Variants in TRPC7 observed in about 807,000 individuals in gnomAD.
The protein encoded by TRPC7 is short transient receptor potential channel 7.
In TRPC7, 42 loss-of-function variants were observed where a neutral mutation model predicts 90.1. The observed-to-expected ratio is 0.47, with a 90% CI of 0.36 to 0.60. The LOEUF (loss-of-function observed/expected upper bound fraction) is 0.60, where lower values mean the gene tolerates loss of function less well. Ranked by LOEUF, TRPC7 falls within the 20% of genes least tolerant of loss-of-function variation. The pLI is 0.00. For missense variants in TRPC7, 955 were observed against 1,112.3 expected (o/e 0.86, Z 2.01); for synonymous variants, 451 against 436.3 (o/e 1.03, Z -0.42).
chr5:136,246,412 G>A (rs1430530371), intron 7 of TRPC7, among the ~76,000 whole-genome samples: 2 of 152,178 alleles, frequency 1.3e-5, no homozygotes, highest in South Asian at 2.1e-4. Context: ...GTCCTATGGA[G>A]TGACTAATGA....
At chr5:136,314,344 A>G (rs1349722823) in intron 3 of TRPC7, 1 of 152,206 alleles carries the variant, frequency 6.6e-6, no homozygotes, top group East Asian at 1.9e-4. Flanking sequence ...CTTTGGTGAA[A>G]AGCCCCAGCG....
At position 136,356,830 on chromosome 5, in the gene TRPC7, C is replaced by T; in HGVS notation, c.558G>A (p.Lys186=). Residue 186 remains lysine, a synonymous_variant, in exon 2 of 12, where the codon AAG becomes AAA. Coordinates refer to ENST00000513104, the MANE Select transcript of TRPC7 (RefSeq NM_020389.3). Reference sequence around the variant, plus strand: ...CGTGGGGCCGCTCGATGCGGGCGCCCTTGAGCAGCAGGATGTGCACGATCT... The same window carrying T: ...CGTGGGGCCGCTCGATGCGGGCGCCTTTGAGCAGCAGGATGTGCACGATCT... ...EYEIVHILLL[K]GARIERPHDY... is the part of the protein sequence containing the mutation. 1 of 1,613,822 alleles carries T rather than the reference C, an allele frequency of 6.2e-7. No homozygotes were observed. The highest frequency in any genetic ancestry group is 8.5e-7 in the Non-Finnish European group (1 of 1,179,868).
At chr5:136,252,587 A>G (rs1756557912) in intron 5 of TRPC7, among the ~76,000 whole-genome samples, 3 of 120,448 alleles carry the variant, frequency 2.5e-5, no homozygotes, top group South Asian at 5.7e-4. Context: ...ACCAGGGACC[A>G]GTTTCATGGA....
At chr5:136,279,089 T>G (rs1757461882) in intron 3 of TRPC7, among the ~76,000 whole-genome samples, 1 of 152,110 alleles carries the variant, frequency 6.6e-6, no homozygotes, top group Non-Finnish European at 1.5e-5. Flanking sequence ...ATATCAACTC[T>G]TACGTTAGGT....
Position 136,212,873 on chromosome 5 carries a change from A to G in TRPC7, c.*562T>C, listed in dbSNP as rs140070705. On this transcript the variant is annotated 3_prime_UTR_variant, in exon 12 of 12. Coordinates refer to ENST00000513104, the MANE Select transcript of TRPC7 (RefSeq NM_020389.3). ...TTCTAAACAGTGCTACCTACAGTAC[A>G]GTTTTCAATTTAGGATTTTTAAACT... Among the ~76,000 whole-genome samples, 7 of 152,364 alleles carry G rather than the reference A, an allele frequency of 4.6e-5. No individual in the cohort carries two copies. In the East Asian group the frequency reaches 1.2e-3, roughly 25 times the overall value.
chr5:136,258,056 T>C (rs1004729457), intron 5 of TRPC7, among the ~76,000 whole-genome samples: 2 of 152,182 alleles, frequency 1.3e-5, no homozygotes, highest in African/African-American at 4.8e-5. Flanking sequence ...ATTTGGAGTT[T>C]GGAGGTAACT....
At position 136,357,322 on chromosome 5, in the gene TRPC7, A is replaced by G. The variant is rs1031260113; in HGVS notation, c.66T>C (p.Arg22=). 2 of 1,607,498 alleles carry G rather than the reference A, an allele frequency of 1.2e-6. No individual in the cohort carries two copies. Among genetic ancestry groups the G allele is most frequent in the African/African-American group, 1.3e-5 (1 of 74,904 alleles). ...AGGCGGGACCCCGGATGGCCTGGCGACGGCCCTTCTCCCTCAGCGTTGTGT... is the reference window on the plus strand; with the variant it reads ...AGGCGGGACCCCGGATGGCCTGGCGGCGGCCCTTCTCCCTCAGCGTTGTGT... The part of the protein sequence containing the change: ...RRHTTLREKG[R]RQAIRGPAYM... Residue 22 remains arginine (R), a synonymous_variant, in exon 2 of 12, where the codon CGT becomes CGC. Coordinates refer to ENST00000513104, the MANE Select transcript of TRPC7 (RefSeq NM_020389.3).
At chr5:136,312,054 A>T (rs1259325224) in intron 3 of TRPC7, among the ~76,000 whole-genome samples, 1 of 152,172 alleles carries the variant, frequency 6.6e-6, no homozygotes, top group Non-Finnish European at 1.5e-5. Context: ...AAGGCTGAGT[A>T]ATTTGCTCAA....
intron 3 of TRPC7, among the ~76,000 whole-genome samples, chr5:136,312,274 T>G (rs1758855335): frequency 6.6e-6 from 1 of 152,198 alleles, no homozygotes; most frequent in Non-Finnish European, 1.5e-5. Context: ...GAAGGAATTT[T>G]AGGCTTTATG....
At chr5:136,284,040 A>G (rs1191266542) in intron 3 of TRPC7, among the ~76,000 whole-genome samples, 2 of 152,198 alleles carry the variant, frequency 1.3e-5, no homozygotes, top group Non-Finnish European at 2.9e-5. Context: ...TCTGCCATCC[A>G]AGGCTTCAGT....
At chr5:136,360,836 A>AACCTCACTGTGGCCTTTTT (rs1760547188) in intron 1 of TRPC7, among the ~76,000 whole-genome samples, 1 of 152,190 alleles carries the variant, frequency 6.6e-6, no homozygotes, top group Admixed American at 6.5e-5. Flanking sequence ...GAGGCCTTTT[A>AACCTCACTGTGGCCTTTTT]ACCTCACTGT....
intron 11 of TRPC7, among the ~76,000 whole-genome samples, chr5:136,215,603 A>C (rs963620712): frequency 1.3e-5 from 2 of 152,142 alleles, no homozygotes; most frequent in African/African-American, 2.4e-5. Flanking sequence ...TGGGCGGATC[A>C]CAAGGTCAGG....
intron 3 of TRPC7, among the ~76,000 whole-genome samples, chr5:136,303,545 C>A (rs934365740): frequency 6.6e-6 from 1 of 152,138 alleles, no homozygotes; most frequent in African/African-American, 2.4e-5. Context: ...CTGCAGTGGC[C>A]AGGCATTCCT....
chr5:136,242,112 C>T (rs1756188906), intron 7 of TRPC7, among the ~76,000 whole-genome samples: 1 of 152,154 alleles, frequency 6.6e-6, no homozygotes, highest in Non-Finnish European at 1.5e-5. Flanking sequence ...TCACAAAATT[C>T]CTAACAGTCT....
intron 5 of TRPC7, among the ~76,000 whole-genome samples, chr5:136,259,738 C>T (rs1756796914): frequency 2.0e-5 from 3 of 152,214 alleles, no homozygotes; most frequent in Non-Finnish European, 2.9e-5. Flanking sequence ...AGAGATTCTC[C>T]AGGCTGGAAG....
chr5:136,328,089 G>T (rs571622503), intron 2 of TRPC7, among the ~76,000 whole-genome samples: 1 of 152,126 alleles, frequency 6.6e-6, no homozygotes, highest in African/African-American at 2.4e-5. Flanking sequence ...ATGCTCCAAA[G>T]GATCAAGGCA....
intron 5 of TRPC7, among the ~76,000 whole-genome samples, chr5:136,264,526 C>G (rs1012632562): frequency 6.6e-6 from 1 of 151,926 alleles, no homozygotes; most frequent in Admixed American, 6.6e-5. Context: ...CTTTAATGTC[C>G]CTTCCCAACT....
intron 3 of TRPC7, among the ~76,000 whole-genome samples, chr5:136,307,580 G>T (rs1758680924): frequency 6.6e-6 from 1 of 152,208 alleles, no homozygotes; most frequent in Non-Finnish European, 1.5e-5. Context: ...CCTGAAAACA[G>T]CCAAGAGGTT....
At chr5:136,291,642 C>A (rs1757957112) in intron 3 of TRPC7, among the ~76,000 whole-genome samples, 3 of 152,174 alleles carry the variant, frequency 2.0e-5, no homozygotes, top group South Asian at 2.1e-4. Flanking sequence ...GTTCATAAAG[C>A]AAGTCCTGAG....
Sources: allele counts gnomAD v4.1 joint callset (sites outside exome capture counted in the v4.1 genomes callset), GRCh38; gene constraint gnomAD v4.1.1; transcripts MANE v1.5; gene names NCBI Gene and HGNC (gene_info 2026-07-23, HGNC 2026-07-21).